The following MAGI2 variants were observed in gnomAD, a reference collection of about 807,000 sequenced individuals.
MAGI2 encodes the protein membrane-associated guanylate kinase, WW and PDZ domain-containing protein 2.
MAGI2 carries 35 observed loss-of-function variants against 133.3 expected under a neutral mutation model. The observed-to-expected ratio is 0.26, with a 90% CI of 0.20 to 0.35. The LOEUF is 0.35. Among genes scored for constraint, MAGI2 ranks in the 10% least tolerant of loss-of-function variants. The pLI is 1.00. For synonymous variants in MAGI2, 729 were observed against 710.6 expected, an observed-to-expected ratio of 1.03 and a Z score of -0.41; for missense variants, 1,636 against 1,863.4, an observed-to-expected ratio of 0.88 and a Z score of 2.25.
chr7:78,918,048 G>C (rs1357197115), intron 2 of MAGI2, among the ~76,000 whole-genome samples: 1 of 152,076 alleles, frequency 6.6e-6, no homozygotes, highest in East Asian at 1.9e-4. Flanking sequence ...CTTCCTCGAA[G>C]GTGGGTGGCT....
At chr7:78,574,113 C>T (rs190454693) in intron 3 of MAGI2, among the ~76,000 whole-genome samples, 26 of 152,282 alleles carry the variant, frequency 1.7e-4, no homozygotes, top group Admixed American at 8.5e-4. Context: ...ACATGGAGAG[C>T]TGGTGCCAAC....
intron 9 of MAGI2, among the ~76,000 whole-genome samples, chr7:78,299,858 ATTAAT>A (rs1018076815): frequency 6.6e-5 from 10 of 152,288 alleles, no homozygotes; most frequent in East Asian, 3.9e-4. Context: ...AATGGCAAAA[ATTAAT>A]TTAATACAAT....
chr7:78,806,628 G>A (rs969523344), intron 2 of MAGI2, among the ~76,000 whole-genome samples: 9 of 152,028 alleles, frequency 5.9e-5, no homozygotes, highest in African/African-American at 2.2e-4. Context: ...CACTTTGGGA[G>A]GCTGAGTGGA....
intron 2 of MAGI2, among the ~76,000 whole-genome samples, chr7:78,750,233 A>G (rs1823323235): frequency 6.6e-6 from 1 of 152,190 alleles, no homozygotes; most frequent in South Asian, 2.1e-4. Flanking sequence ...ACGGCTGGAT[A>G]GTATTCCATG....
At chr7:78,568,869 C>G (rs931826402) in intron 3 of MAGI2, among the ~76,000 whole-genome samples, 1 of 152,158 alleles carries the variant, frequency 6.6e-6, no homozygotes, top group African/African-American at 2.4e-5. Flanking sequence ...CAAGTCCTTG[C>G]TGGGTTCTGA....
At chr7:79,325,722 C>T (rs897797563) in intron 1 of MAGI2, among the ~76,000 whole-genome samples, 2 of 152,054 alleles carry the variant, frequency 1.3e-5, no homozygotes, top group Non-Finnish European at 2.9e-5. Flanking sequence ...CATAAAAGTC[C>T]ATTTTGGAAC....
chr7:78,171,436 G>A (rs1240474978), intron 14 of MAGI2, among the ~76,000 whole-genome samples: 1 of 152,180 alleles, frequency 6.6e-6, no homozygotes, highest in Non-Finnish European at 1.5e-5. Flanking sequence ...GTCTGATGCT[G>A]CAGGCCTGGG....
chr7:79,252,169 AAAAAAAAAAG>A, intron 1 of MAGI2, among the ~76,000 whole-genome samples: 1 of 147,372 alleles, frequency 6.8e-6, no homozygotes, highest in Non-Finnish European at 1.5e-5. Flanking sequence ...AAAAAAAAAA[AAAAAAAAAAG>A]AAGAAGAAGA....
chr7:78,189,605 T>C (rs1048325754), intron 12 of MAGI2, among the ~76,000 whole-genome samples: 2 of 152,206 alleles, frequency 1.3e-5, no homozygotes, highest in Admixed American at 1.3e-4. Flanking sequence ...TAACCAAAGT[T>C]CAATGTGAAG....
At chr7:79,444,209 A>T (rs986439084) in intron 1 of MAGI2, among the ~76,000 whole-genome samples, 138 of 152,320 alleles carry the variant, frequency 9.1e-4, no homozygotes, top group Non-Finnish European at 1.7e-3. Context: ...TCAATATCAT[A>T]CTGAATGGGC....
At chr7:78,387,269 G>A (rs1196416588) in intron 6 of MAGI2, among the ~76,000 whole-genome samples, 14 of 152,162 alleles carry the variant, frequency 9.2e-5, no homozygotes, top group Admixed American at 9.2e-4. Context: ...GACTCAGGGT[G>A]TGAAGTCTTT....
rs180723402 is a variant in MAGI2, at chr7:78,927,917, C to T, written c.418+79173G>A. Among the ~76,000 whole-genome samples, 1,142 of 151,922 alleles carry T rather than the reference C, an allele frequency of 7.5e-3. 21 individuals are homozygous for T. Among genetic ancestry groups the T allele is most frequent in the African/African-American group, 0.026 (1,089 of 41,482 alleles). On this transcript the variant is annotated intron_variant, in intron 2 of 21. Coordinates refer to ENST00000354212, the MANE Select transcript of MAGI2 (RefSeq NM_012301.4). The stretch of plus-strand genomic sequence containing the variant: ...ACTATGAACTATAGCCCCCTGGTGG[C>T]TTATGCTATCCCTAAGGTGCCATAT...
intron 6 of MAGI2, among the ~76,000 whole-genome samples, chr7:78,458,068 C>T (rs968788138): frequency 3.3e-5 from 5 of 151,568 alleles, no homozygotes; most frequent in African/African-American, 7.3e-5. Flanking sequence ...GAGGCTAAGG[C>T]GGGCAGATCA....
intron 2 of MAGI2, among the ~76,000 whole-genome samples, chr7:78,742,426 C>A (rs1321220833): frequency 6.6e-6 from 1 of 152,106 alleles, no homozygotes; most frequent in Admixed American, 6.5e-5. Flanking sequence ...TTCCTCCTTG[C>A]CAAATTAATT....
Position 78,039,275 on chromosome 7 carries a change from A to G in MAGI2, c.3707-19299T>C, listed in dbSNP as rs546351171. Among the ~76,000 whole-genome samples the G allele has an allele frequency of 3.9e-5, 6 of 152,350 alleles. No individual in the cohort carries two copies. In the South Asian group the frequency reaches 1.2e-3, roughly 32 times the overall value. On this transcript the variant is annotated intron_variant, in intron 21 of 21. Transcript: ENST00000354212. ...CTCTAAATTGTAGATGTGATCTCTC[A>G]CACCTGAATTAATCAATTAAATAAG...
chr7:79,368,409 A>G (rs189640584), intron 1 of MAGI2, among the ~76,000 whole-genome samples: 11 of 152,294 alleles, frequency 7.2e-5, no homozygotes, highest in African/African-American at 2.6e-4. Context: ...ACTTCCCTTC[A>G]GATCAATCAA....
At chr7:79,095,929 G>A (rs554741133) in intron 1 of MAGI2, among the ~76,000 whole-genome samples, 3 of 152,224 alleles carry the variant, frequency 2.0e-5, no homozygotes, top group East Asian at 1.9e-4. Flanking sequence ...CTGTAAAAAC[G>A]ACAGTATCTG....
intron 2 of MAGI2, among the ~76,000 whole-genome samples, chr7:78,793,778 G>T (rs1481918456): frequency 6.6e-6 from 1 of 152,170 alleles, no homozygotes; most frequent in Admixed American, 6.5e-5. Context: ...TATTTGGTCA[G>T]TTCAAAGAGT....
intron 7 of MAGI2, among the ~76,000 whole-genome samples, chr7:78,352,393 A>G (rs1422913810): frequency 6.6e-6 from 1 of 152,252 alleles, no homozygotes; most frequent in Non-Finnish European, 1.5e-5. Flanking sequence ...ATAAATGGAA[A>G]AATGGCATCT....
Sources: gnomAD v4.1 joint callset for allele counts (sites outside exome capture counted in the v4.1 genomes callset) on GRCh38, gnomAD v4.1.1 for gene constraint, MANE v1.5 for transcripts, NCBI Gene and HGNC (gene_info 2026-07-23, HGNC 2026-07-21) for gene names.